The following DNM3 variants were observed in gnomAD, a reference collection of about 807,000 sequenced individuals.
DNM3 encodes dynamin-3.
In DNM3, 47 loss-of-function variants were observed where a neutral mutation model predicts 101.6. The ratio of observed to expected loss-of-function variants is 0.46; its 90% CI spans 0.37 to 0.59. DNM3 has a LOEUF of 0.59. Ranked by LOEUF, DNM3 falls within the 20% of genes least tolerant of loss-of-function variation. The pLI is 0.00. For missense variants in DNM3, 849 were observed against 1,085.7 expected (o/e 0.78, Z 3.06); for synonymous variants, 385 against 387.9 (o/e 0.99, Z 0.09).
chr1:172,394,886 A>C (rs1331914658), intron 20 of DNM3, among the ~76,000 whole-genome samples: 4 of 152,152 alleles, frequency 2.6e-5, no homozygotes, highest in Non-Finnish European at 5.9e-5. Flanking sequence ...TAAAAAAAAA[A>C]GTTTTGCCCA....
chr1:172,284,376 A>T (rs2063614967), intron 15 of DNM3, among the ~76,000 whole-genome samples: 1 of 152,062 alleles, frequency 6.6e-6, no homozygotes, highest in Admixed American at 6.5e-5. Context: ...GGATATTGAG[A>T]TTTACTTGGT....
chr1:171,994,916 C>G (rs1252528858), intron 4 of DNM3, among the ~76,000 whole-genome samples: 1 of 151,870 alleles, frequency 6.6e-6, no homozygotes, highest in Non-Finnish European at 1.5e-5. Context: ...TTACAATTGT[C>G]TGAAAATTGT....
chr1:172,186,231 C>T (rs2059518343), intron 14 of DNM3, among the ~76,000 whole-genome samples: 4 of 152,046 alleles, frequency 2.6e-5, no homozygotes, highest in African/African-American at 9.7e-5. Flanking sequence ...ACCAACTTTA[C>T]CTCAAAGTGC....
intron 2 of DNM3, among the ~76,000 whole-genome samples, chr1:171,923,608 G>C (rs2040344919): frequency 6.6e-6 from 1 of 151,868 alleles, no homozygotes; most frequent in African/African-American, 2.4e-5. Flanking sequence ...TTTATTCTAT[G>C]TTTTCTTCTA....
chr1:172,117,205 CA>C (rs879796172), intron 13 of DNM3, among the ~76,000 whole-genome samples: 2,200 of 128,720 alleles, frequency 0.017, 21 homozygotes, highest in Middle Eastern at 0.042. Context: ...AACTCCATCT[CA>C]AAAAAAAAAA....
At chr1:171,899,062 C>G (rs780305600) in intron 1 of DNM3, among the ~76,000 whole-genome samples, 1 of 152,202 alleles carries the variant, frequency 6.6e-6, no homozygotes, top group Non-Finnish European at 1.5e-5. Context: ...GGACGCTTGC[C>G]TAGCTGGGCT....
intron 1 of DNM3, among the ~76,000 whole-genome samples, chr1:171,906,717 G>GT (rs146723644): frequency 0.019 from 2,815 of 151,798 alleles, 81 homozygotes; most frequent in African/African-American, 0.063. Flanking sequence ...AGGATTTCCT[G>GT]TTTTTTTTGT....
At chr1:172,361,259 C>T (rs1253911862) in intron 17 of DNM3, among the ~76,000 whole-genome samples, 1 of 151,958 alleles carries the variant, frequency 6.6e-6, no homozygotes, top group African/African-American at 2.4e-5. Context: ...TTCTCCTTTC[C>T]CGTTCAACCA....
intron 14 of DNM3, among the ~76,000 whole-genome samples, chr1:172,169,864 T>C (rs2209096): frequency 0.23 from 34,541 of 151,890 alleles, 4,913 homozygotes; most frequent in Middle Eastern, 0.34. Flanking sequence ...ATCCATAATT[T>C]TGTTTCTTTT....
At chr1:171,922,918 G>A (rs989458316) in intron 2 of DNM3, among the ~76,000 whole-genome samples, 1 of 152,166 alleles carries the variant, frequency 6.6e-6, no homozygotes, top group Admixed American at 6.5e-5. Context: ...CCATTGTCTG[G>A]ATAGATCACA....
chr1:171,978,036 A>G (rs1436577234), intron 2 of DNM3, among the ~76,000 whole-genome samples: 1 of 152,110 alleles, frequency 6.6e-6, no homozygotes, highest in Non-Finnish European at 1.5e-5. Context: ...AGCCTCCTCC[A>G]AGGTTTATTT....
intron 17 of DNM3, chr1:172,339,158 C>T (rs2066579548): frequency 5.2e-6 from 2 of 383,344 alleles, no homozygotes; most frequent in Admixed American, 6.9e-5. Flanking sequence ...GTGTAAAAAG[C>T]TTTTCCTCTT....
At chr1:172,260,213 A>G (rs755459918) in intron 15 of DNM3, among the ~76,000 whole-genome samples, 6 of 151,972 alleles carry the variant, frequency 3.9e-5, no homozygotes, top group Non-Finnish European at 7.4e-5. Context: ...GGGTTCCTTT[A>G]TATAGGTGGC....
chr1:172,341,043 T>C (rs1486394366), intron 17 of DNM3, among the ~76,000 whole-genome samples: 3 of 152,038 alleles, frequency 2.0e-5, no homozygotes, highest in African/African-American at 7.3e-5. Context: ...TTCAGCAAAG[T>C]TTCAGGATAC....
At chr1:172,239,416 G>A (rs745609382) in intron 14 of DNM3, among the ~76,000 whole-genome samples, 2 of 152,202 alleles carry the variant, frequency 1.3e-5, no homozygotes, top group Middle Eastern at 3.4e-3. Flanking sequence ...CTGAATACAC[G>A]GTCATCTGCA....
intron 15 of DNM3, among the ~76,000 whole-genome samples, chr1:172,280,435 A>G (rs1433914751): frequency 1.3e-5 from 2 of 152,230 alleles, no homozygotes; most frequent in Admixed American, 6.5e-5. Context: ...ACTGCCTAGC[A>G]TATGGTAGTT....
At chr1:172,119,501 C>T (rs540933083) in intron 13 of DNM3, among the ~76,000 whole-genome samples, 13 of 152,166 alleles carry the variant, frequency 8.5e-5, no homozygotes, top group South Asian at 4.1e-4. Flanking sequence ...AGCCCCGCCT[C>T]GGTTTCCTTC....
At chr1:171,908,553 G>C (rs1277873751) in intron 1 of DNM3, among the ~76,000 whole-genome samples, 5 of 151,736 alleles carry the variant, frequency 3.3e-5, no homozygotes, top group African/African-American at 1.2e-4. Context: ...ATTTTTGATG[G>C]ATTGGTGCTT....
chr1:172,381,577 G>A (rs1013802725), intron 18 of DNM3, among the ~76,000 whole-genome samples: 14 of 151,174 alleles, frequency 9.3e-5, no homozygotes, highest in South Asian at 2.1e-4. Flanking sequence ...TCATATTGTC[G>A]TGGCATCTTA....
Sources: gnomAD v4.1 joint callset for allele counts (sites outside exome capture counted in the v4.1 genomes callset) on GRCh38, gnomAD v4.1.1 for gene constraint, MANE v1.5 for transcripts, NCBI Gene and HGNC (gene_info 2026-07-23, HGNC 2026-07-21) for gene names.